The following AGBL4 variants were observed in gnomAD, a reference collection of about 807,000 sequenced individuals.
AGBL4 encodes the protein AGBL carboxypeptidase 4, also known as cytosolic carboxypeptidase 6.
AGBL4 carries 58 observed loss-of-function variants against 66.4 expected under a neutral mutation model. That is an observed-to-expected ratio of 0.87 (90% CI 0.71 to 1.09). The LOEUF (loss-of-function observed/expected upper bound fraction) is 1.09. Among genes scored for constraint, AGBL4 ranks in the 50% least tolerant of loss-of-function variants. AGBL4 has a pLI of 0.00. For synonymous variants in AGBL4, 234 were observed against 222.9 expected, an observed-to-expected ratio of 1.05 and a Z score of -0.44; for missense variants, 579 against 631.0, an observed-to-expected ratio of 0.92 and a Z score of 0.88.
chr1:48,882,030 C>G (rs1293918002), intron 5 of AGBL4, among the ~76,000 whole-genome samples: 1 of 152,164 alleles, frequency 6.6e-6, no homozygotes, highest in Non-Finnish European at 1.5e-5. Flanking sequence ...GGGAGGATTG[C>G]TTGAGGTCAG....
intron 5 of AGBL4, among the ~76,000 whole-genome samples, chr1:48,964,713 C>T (rs1191087994): frequency 1.3e-5 from 2 of 152,090 alleles, no homozygotes; most frequent in Non-Finnish European, 2.9e-5. Context: ...TATCACATTG[C>T]CTCTCCAAAG....
intron 4 of AGBL4, among the ~76,000 whole-genome samples, chr1:49,091,531 A>G (rs976137722): frequency 1.3e-5 from 2 of 152,160 alleles, no homozygotes; most frequent in African/African-American, 4.8e-5. Flanking sequence ...TCAAAAAATA[A>G]CAAATTTGGC....
chr1:48,590,185 A>T (rs1226110263), intron 10 of AGBL4, among the ~76,000 whole-genome samples: 2 of 152,078 alleles, frequency 1.3e-5, no homozygotes, highest in East Asian at 3.9e-4. Flanking sequence ...CGGGCGGATC[A>T]CCTGAGGTTG....
At chr1:49,230,554 C>A (rs1248573559) in intron 4 of AGBL4, among the ~76,000 whole-genome samples, 3 of 152,116 alleles carry the variant, frequency 2.0e-5, no homozygotes, top group African/African-American at 7.2e-5. Context: ...CTCTGCCTAG[C>A]AAAAGAGAGC....
At chr1:49,953,714 T>A (rs1033014192) in intron 1 of AGBL4, among the ~76,000 whole-genome samples, 3 of 151,468 alleles carry the variant, frequency 2.0e-5, no homozygotes, top group Non-Finnish European at 3.0e-5. Flanking sequence ...AAAAAAAAAA[T>A]CAGAAATCTG....
chr1:49,628,152 T>C (rs562874838), intron 3 of AGBL4, among the ~76,000 whole-genome samples: 1 of 152,292 alleles, frequency 6.6e-6, no homozygotes, highest in South Asian at 2.1e-4. Context: ...AATTCTCTAC[T>C]GTGAATGGTA....
chr1:49,161,748 G>A (rs1325048817), intron 4 of AGBL4, among the ~76,000 whole-genome samples: 2 of 151,854 alleles, frequency 1.3e-5, no homozygotes, highest in Non-Finnish European at 2.9e-5. Context: ...TTCCCTTTTG[G>A]TTCTTCACAC....
At chr1:49,443,682 T>C (rs1204851099) in intron 3 of AGBL4, among the ~76,000 whole-genome samples, 1 of 151,774 alleles carries the variant, frequency 6.6e-6, no homozygotes, top group Non-Finnish European at 1.5e-5. Flanking sequence ...TAATATATTT[T>C]GAAGTCAGGT....
At chr1:49,706,242 A>G (rs1303511608) in intron 2 of AGBL4, among the ~76,000 whole-genome samples, 12 of 152,030 alleles carry the variant, frequency 7.9e-5, no homozygotes, top group Non-Finnish European at 1.5e-4. Context: ...TATTGGTCTA[A>G]TTCAGGGATC....
At chr1:48,742,912 G>T in intron 6 of AGBL4, 1 of 754,842 alleles carries the variant, frequency 1.3e-6, no homozygotes, top group Non-Finnish European at 1.9e-6. Flanking sequence ...CTTAAACCCA[G>T]ACTCGAAAAT....
intron 3 of AGBL4, among the ~76,000 whole-genome samples, chr1:49,248,937 C>G (rs2148333593): frequency 1.3e-5 from 2 of 152,214 alleles, no homozygotes; most frequent in African/African-American, 4.8e-5. Flanking sequence ...GACCACAGTA[C>G]ACTGTTAGTC....
chr1:49,702,202 C>T (rs781141717), intron 2 of AGBL4, among the ~76,000 whole-genome samples: 35 of 152,102 alleles, frequency 2.3e-4, no homozygotes, highest in Non-Finnish European at 2.9e-5. Flanking sequence ...AAAATTAACA[C>T]CAATTCTTGA....
intron 5 of AGBL4, among the ~76,000 whole-genome samples, chr1:48,957,260 C>CT (rs901281773): frequency 5.3e-5 from 8 of 152,110 alleles, no homozygotes; most frequent in African/African-American, 1.9e-4. Flanking sequence ...CTAAAGTATA[C>CT]TTTTTTCCTT....
intron 2 of AGBL4, among the ~76,000 whole-genome samples, chr1:49,757,595 TTGAG>T (rs1236364941): frequency 6.6e-6 from 1 of 152,170 alleles, no homozygotes; most frequent in Non-Finnish European, 1.5e-5. Context: ...GAAGTCCAGG[TTGAG>T]GTGGTCTCAG....
chr1:49,314,405 T>C (rs938166617), intron 3 of AGBL4, among the ~76,000 whole-genome samples: 1 of 151,806 alleles, frequency 6.6e-6, no homozygotes, highest in Non-Finnish European at 1.5e-5. Context: ...CAAGAGGCCA[T>C]GGTGTGTGAT....
At chr1:49,460,492 G>C (rs936865691) in intron 3 of AGBL4, among the ~76,000 whole-genome samples, 1 of 151,568 alleles carries the variant, frequency 6.6e-6, no homozygotes, top group Non-Finnish European at 1.5e-5. Flanking sequence ...CATGTGTTAG[G>C]TGAGTCTCGT....
chr1:48,837,976 G>A (rs1646722701), intron 6 of AGBL4, among the ~76,000 whole-genome samples: 1 of 151,828 alleles, frequency 6.6e-6, no homozygotes, highest in African/African-American at 2.4e-5. Context: ...TGGCTGTTGT[G>A]AGGATAATGT....
intron 1 of AGBL4, among the ~76,000 whole-genome samples, chr1:49,908,869 C>T (rs868230162): frequency 2.0e-5 from 3 of 152,236 alleles, no homozygotes; most frequent in Middle Eastern, 3.4e-3. Flanking sequence ...TAGTCAATAT[C>T]CATTAATAAT....
chr1:49,420,000 G>T (rs534643948), intron 3 of AGBL4, among the ~76,000 whole-genome samples: 34 of 152,276 alleles, frequency 2.2e-4, no homozygotes, highest in African/African-American at 7.7e-4. Context: ...AAAGAACCAG[G>T]ATCTGTGTTT....
Sources: gnomAD v4.1 joint callset for allele counts (sites outside exome capture counted in the v4.1 genomes callset) on GRCh38, gnomAD v4.1.1 for gene constraint, MANE v1.5 for transcripts, NCBI Gene and HGNC (gene_info 2026-07-23, HGNC 2026-07-21) for gene names.